Variants in EHBP1 observed in about 807,000 individuals in gnomAD.
The protein encoded by EHBP1 is EH domain binding protein 1.
EHBP1 carries 55 observed loss-of-function variants against 144.0 expected under a neutral mutation model. That is an observed-to-expected ratio of 0.38 (90% CI 0.31 to 0.48). The LOEUF is 0.48. Among genes scored for constraint, EHBP1 ranks in the 20% least tolerant of loss-of-function variants. The pLI, the probability that EHBP1 is intolerant of heterozygous loss-of-function variation, is 0.98. For synonymous variants in EHBP1, 469 were observed against 472.7 expected, an observed-to-expected ratio of 0.99 and a Z score of 0.10; for missense variants, 1,200 against 1,364.2, an observed-to-expected ratio of 0.88 and a Z score of 1.90.
intron 19 of EHBP1, among the ~76,000 whole-genome samples, chr2:63,003,646 T>C (rs1468576613): frequency 3.3e-5 from 5 of 152,130 alleles, no homozygotes; most frequent in Admixed American, 1.3e-4. Context: ...TTTTCTAATC[T>C]GCAGTTTGAG....
At chr2:62,871,010 A>C (rs1004666360) in intron 9 of EHBP1, among the ~76,000 whole-genome samples, 2 of 152,122 alleles carry the variant, frequency 1.3e-5, no homozygotes, top group African/African-American at 4.8e-5. Flanking sequence ...ATTAATAACT[A>C]TATGGGGGGT....
At chr2:62,826,371 A>G (rs2046347353) in intron 6 of EHBP1, 103 bp downstream of exon 6, 2 of 1,092,882 alleles carry the variant, frequency 1.8e-6, no homozygotes, top group Non-Finnish European at 2.5e-6. Context: ...CAGCATACCA[A>G]TCATTTTTGC....
At chr2:62,687,549 T>C (rs887926627) in intron 1 of EHBP1, among the ~76,000 whole-genome samples, 1 of 152,204 alleles carries the variant, frequency 6.6e-6, no homozygotes, top group African/African-American at 2.4e-5. Context: ...AAGTAGCCAC[T>C]TATTATTTGC....
At chr2:62,889,231 G>T (rs1350218880) in intron 10 of EHBP1, among the ~76,000 whole-genome samples, 1 of 149,624 alleles carries the variant, frequency 6.7e-6, no homozygotes, top group Non-Finnish European at 1.5e-5. Context: ...GGGTTGTTTG[G>T]TGTTTTTGTG....
At chr2:62,841,895 T>G (rs1463741240) in intron 7 of EHBP1, among the ~76,000 whole-genome samples, 1 of 152,120 alleles carries the variant, frequency 6.6e-6, no homozygotes, top group Non-Finnish European at 1.5e-5. Flanking sequence ...ACAAAATACC[T>G]TAGGTTGGGT....
chr2:62,759,061 A>G (rs2040544838), intron 3 of EHBP1, among the ~76,000 whole-genome samples: 1 of 152,170 alleles, frequency 6.6e-6, no homozygotes, highest in Non-Finnish European at 1.5e-5. Flanking sequence ...TATGACATGA[A>G]ATAATTAGCG....
At chr2:63,002,722 T>G (rs551646070) in intron 19 of EHBP1, among the ~76,000 whole-genome samples, 2 of 152,098 alleles carry the variant, frequency 1.3e-5, no homozygotes, top group Non-Finnish European at 2.9e-5. Context: ...AGTAGTCTAA[T>G]TTTACTCTCA....
At chr2:62,910,794 A>G (rs912191645) in intron 10 of EHBP1, among the ~76,000 whole-genome samples, 7 of 152,148 alleles carry the variant, frequency 4.6e-5, no homozygotes, top group Admixed American at 1.3e-4. Context: ...TAATATTTTG[A>G]TGGGGAATAT....
intron 9 of EHBP1, among the ~76,000 whole-genome samples, chr2:62,868,191 A>T (rs766460210): frequency 6.6e-6 from 1 of 152,138 alleles, no homozygotes; most frequent in African/African-American, 2.4e-5. Flanking sequence ...CGTGGCCAAC[A>T]TGGTGAAACC....
intron 5 of EHBP1, among the ~76,000 whole-genome samples, chr2:62,782,438 T>G (rs1282087977): frequency 6.6e-6 from 1 of 152,172 alleles, no homozygotes; most frequent in Admixed American, 6.5e-5. Context: ...CGGATAAAAC[T>G]AGTAGTAGTT....
chr2:62,983,685 C>T (rs2059068444), intron 15 of EHBP1, among the ~76,000 whole-genome samples: 1 of 152,088 alleles, frequency 6.6e-6, no homozygotes, highest in South Asian at 2.1e-4. Context: ...GAATTACAGG[C>T]ACCCGGCCAC....
At chr2:62,925,607 CAGT>C (rs1425802217) in intron 10 of EHBP1, among the ~76,000 whole-genome samples, 2 of 152,014 alleles carry the variant, frequency 1.3e-5, no homozygotes, top group African/African-American at 2.4e-5. Flanking sequence ...ATATTAAAAT[CAGT>C]AGTAGTTTAT....
chr2:62,835,381 C>T (rs972099008), intron 7 of EHBP1, among the ~76,000 whole-genome samples: 2 of 152,110 alleles, frequency 1.3e-5, no homozygotes, highest in Non-Finnish European at 2.9e-5. Context: ...GGTATATAAC[C>T]TAGTTTCATT....
intron 5 of EHBP1, among the ~76,000 whole-genome samples, chr2:62,796,641 G>A (rs1472440858): frequency 1.3e-5 from 2 of 152,038 alleles, no homozygotes; most frequent in African/African-American, 2.4e-5. Context: ...TTTATTCAAA[G>A]TTCCAATGCA....
intron 7 of EHBP1, among the ~76,000 whole-genome samples, chr2:62,847,948 C>T (rs1260637190): frequency 1.3e-5 from 2 of 152,014 alleles, no homozygotes; most frequent in Non-Finnish European, 2.9e-5. Flanking sequence ...AGAGATACAA[C>T]TCTATATCTA....
intron 14 of EHBP1, among the ~76,000 whole-genome samples, chr2:62,956,824 G>A (rs942606567): frequency 6.6e-6 from 1 of 152,148 alleles, no homozygotes; most frequent in Non-Finnish European, 1.5e-5. Flanking sequence ...ATGACGTCTG[G>A]GGCTGGCTTT....
At chr2:62,932,975 A>G (rs998150304) in intron 10 of EHBP1, among the ~76,000 whole-genome samples, 1 of 151,400 alleles carries the variant, frequency 6.6e-6, no homozygotes, top group Non-Finnish European at 1.5e-5. Flanking sequence ...AAAAAAGGTT[A>G]AGATGGTAAA....
chr2:62,874,048 A>G (rs900856614), intron 9 of EHBP1, among the ~76,000 whole-genome samples: 3 of 152,182 alleles, frequency 2.0e-5, no homozygotes, highest in African/African-American at 7.2e-5. Flanking sequence ...TATGGAAAAT[A>G]TACACGATTT....
chr2:63,008,064 G>A (rs1283195028), intron 19 of EHBP1, among the ~76,000 whole-genome samples: 1 of 151,566 alleles, frequency 6.6e-6, no homozygotes, highest in African/African-American at 2.4e-5. Flanking sequence ...TAGACTAGGG[G>A]ATCCTTTATT....
Sources: gnomAD v4.1 joint callset for allele counts (sites outside exome capture counted in the v4.1 genomes callset) on GRCh38, gnomAD v4.1.1 for gene constraint, MANE v1.5 for transcripts, NCBI Gene and HGNC (gene_info 2026-07-23, HGNC 2026-07-21) for gene names.